GAREM1: variants seen among roughly 807,000 people sequenced by gnomAD.
The protein encoded by GAREM1 is GRB2 associated regulator of MAPK1 subtype 1, also known as GRB2-associated and regulator of MAPK protein 1.
A neutral mutation model predicts 71.3 loss-of-function variants in GAREM1; 26 were observed. That is an observed-to-expected ratio of 0.36 (90% CI 0.27 to 0.51). The LOEUF (loss-of-function observed/expected upper bound fraction) is 0.51, where lower values mean the gene tolerates loss of function less well. GAREM1 is among the 20% of genes least tolerant of loss of function. GAREM1 has a pLI of 0.95. For missense variants in GAREM1, 1,026 were observed against 1,103.1 expected, an observed-to-expected ratio of 0.93 and a Z score of 0.99; for synonymous variants, 440 against 433.2, an observed-to-expected ratio of 1.02 and a Z score of -0.20.
At chr18:32,412,426 C>T in intron 1 of GAREM1, 1 of 1,586,634 alleles carries the variant, frequency 6.3e-7, no homozygotes, top group Non-Finnish European at 8.5e-7. Flanking sequence ...AAATTGCTTC[C>T]ATCATTACCA....
chr18:32,341,307 C>T (rs2047645096), intron 2 of GAREM1, among the ~76,000 whole-genome samples: 1 of 152,182 alleles, frequency 6.6e-6, no homozygotes, highest in Non-Finnish European at 1.5e-5. Context: ...AGGACATGAA[C>T]TCATCCTTTT....
chr18:32,321,325 G>T (rs758556828), intron 2 of GAREM1, among the ~76,000 whole-genome samples: 5 of 152,048 alleles, frequency 3.3e-5, no homozygotes, highest in Non-Finnish European at 7.3e-5. Flanking sequence ...CTTTGCCTTT[G>T]CTCATGCTCT....
intron 1 of GAREM1, among the ~76,000 whole-genome samples, chr18:32,401,426 A>G (rs1367600906): frequency 5.9e-5 from 9 of 151,530 alleles, no homozygotes; most frequent in Non-Finnish European, 4.4e-5. Flanking sequence ...AGTACTTACT[A>G]TGTTCCAGAT....
At chr18:32,418,340 G>A (rs778168258) in intron 1 of GAREM1, among the ~76,000 whole-genome samples, 6 of 152,040 alleles carry the variant, frequency 3.9e-5, no homozygotes, top group Non-Finnish European at 7.4e-5. Flanking sequence ...CAAAGTCAAC[G>A]GCTCCTGGTT....
In GAREM1 at chr18:32,425,268, C is replaced by G. The variant is rs116631209; in HGVS notation, c.122-32233G>C. On this transcript the variant is annotated intron_variant, in intron 1 of 5. Transcript: ENST00000269209. ...AAATACAGTTAACCAATTTACTAAA[C>G]CATCACTGTGGCACAAAATTTTATT... 2.3e-3 allele frequency among the ~76,000 whole-genome samples: 346 copies of G among 152,268 alleles called. 2 individuals are homozygous for G. The highest frequency in any genetic ancestry group is 8.0e-3 in the African/African-American group (332 of 41,550).
intron 1 of GAREM1, among the ~76,000 whole-genome samples, chr18:32,431,985 A>G (rs1478930944): frequency 1.3e-5 from 2 of 152,228 alleles, no homozygotes; most frequent in Non-Finnish European, 2.9e-5. Context: ...ATGAAGGTGA[A>G]ATAGACATTC....
At chr18:32,383,074 CTG>C (rs1236092374) in intron 2 of GAREM1, among the ~76,000 whole-genome samples, 2 of 152,182 alleles carry the variant, frequency 1.3e-5, no homozygotes, top group African/African-American at 2.4e-5. Context: ...AATAAAAGCT[CTG>C]TGTTTATTTT....
Position 32,429,995 on chromosome 18 carries a change from G to A in GAREM1, c.122-36960C>T, listed in dbSNP as rs147727849. ...ATGGACAACTGAGTAACATGAAACT[G>A]AAGGACATGATATAACAATTTGGTT... On this transcript the variant is annotated intron_variant, in intron 1 of 5. Coordinates refer to ENST00000269209, the MANE Select transcript of GAREM1 (RefSeq NM_001242409.2). Among the ~76,000 whole-genome samples, 549 of 152,316 alleles carry A rather than the reference G, an allele frequency of 3.6e-3. 1 individual carries two copies. The highest frequency in any genetic ancestry group is 8.6e-3 in the African/African-American group (358 of 41,568).
At chr18:32,346,423 G>A (rs1331515084) in intron 2 of GAREM1, among the ~76,000 whole-genome samples, 6 of 152,072 alleles carry the variant, frequency 3.9e-5, no homozygotes, top group Non-Finnish European at 7.4e-5. Flanking sequence ...ATTTCCTTAA[G>A]TGTTTAGCAA....
chr18:32,451,977 T>A (rs1415473083), intron 1 of GAREM1, among the ~76,000 whole-genome samples: 2 of 152,170 alleles, frequency 1.3e-5, no homozygotes, highest in Admixed American at 6.5e-5. Context: ...AAGGTATTTT[T>A]AAAATAAAAA....
At chr18:32,348,612 T>C (rs904845472) in intron 2 of GAREM1, among the ~76,000 whole-genome samples, 1 of 152,076 alleles carries the variant, frequency 6.6e-6, no homozygotes, top group Non-Finnish European at 1.5e-5. Context: ...TAATTCCAGC[T>C]ACTGAGGAGG....
chr18:32,421,422 T>A (rs2048518570), intron 1 of GAREM1, among the ~76,000 whole-genome samples: 1 of 152,170 alleles, frequency 6.6e-6, no homozygotes, highest in African/African-American at 2.4e-5. Context: ...CTAACATCCA[T>A]CTAAACTGGT....
intron 1 of GAREM1, among the ~76,000 whole-genome samples, chr18:32,414,095 T>C (rs1454490580): frequency 1.3e-5 from 2 of 152,144 alleles, no homozygotes; most frequent in African/African-American, 4.8e-5. Context: ...TCTATTTTAA[T>C]GACTGAAAGT....
In GAREM1 at chr18:32,467,773, C is replaced by T. The variant is rs559942717; in HGVS notation, c.121+2535G>A. ...CTTTCATGTCTAAGTATAGGGTGGG[C>T]GTGTGCAGATGTAAAATGTACCTGC... On this transcript the variant is annotated intron_variant, in intron 1 of 5. Transcript: ENST00000269209. Among the ~76,000 whole-genome samples, 4 of 152,078 alleles carry T rather than the reference C, an allele frequency of 2.6e-5. No individual in the cohort carries two copies. The Middle Eastern group carries it at 0.01, about 388-fold the overall frequency.
chr18:32,355,306 G>C (rs2047793439), intron 2 of GAREM1, among the ~76,000 whole-genome samples: 1 of 152,080 alleles, frequency 6.6e-6, no homozygotes, highest in South Asian at 2.1e-4. Context: ...GAGGCCTATG[G>C]TGAATAATGA....
At chr18:32,349,615 T>C (rs973611566) in intron 2 of GAREM1, among the ~76,000 whole-genome samples, 4 of 152,198 alleles carry the variant, frequency 2.6e-5, no homozygotes, top group Admixed American at 6.5e-5. Context: ...ATTATAAATA[T>C]AGATATAAAA....
intron 1 of GAREM1, among the ~76,000 whole-genome samples, chr18:32,437,090 G>A (rs1439686122): frequency 6.6e-6 from 1 of 152,096 alleles, no homozygotes; most frequent in Non-Finnish European, 1.5e-5. Flanking sequence ...CCACTATAAT[G>A]ACATACAATC....
chr18:32,384,935 G>A (rs561741182), intron 2 of GAREM1, among the ~76,000 whole-genome samples: 1 of 152,180 alleles, frequency 6.6e-6, no homozygotes, highest in Non-Finnish European at 1.5e-5. Context: ...CAAAAACTAT[G>A]TTACAGCAGC....
intron 3 of GAREM1, among the ~76,000 whole-genome samples, chr18:32,296,173 G>C (rs1304437985): frequency 6.6e-6 from 1 of 152,124 alleles, no homozygotes; most frequent in African/African-American, 2.4e-5. Context: ...ATATTGGCCA[G>C]GGTGGTCTTG....
Sources: gnomAD v4.1 joint callset for allele counts (sites outside exome capture counted in the v4.1 genomes callset) on GRCh38, gnomAD v4.1.1 for gene constraint, MANE v1.5 for transcripts, NCBI Gene and HGNC (gene_info 2026-07-23, HGNC 2026-07-21) for gene names.